TFDP2: variants seen among roughly 807,000 people sequenced by gnomAD.
TFDP2 encodes transcription factor Dp-2 (E2F dimerization partner 2).
Under a neutral mutation model 59.3 loss-of-function variants are expected in TFDP2, and 17 were observed. The observed-to-expected ratio is 0.29, with a 90% CI of 0.20 to 0.43. TFDP2 has a LOEUF of 0.43. Ranked by LOEUF, TFDP2 falls within the 20% of genes least tolerant of loss-of-function variation. The pLI, the probability that TFDP2 is intolerant of heterozygous loss-of-function variation, is 1.00. For missense variants in TFDP2, 391 were observed against 528.8 expected, an observed-to-expected ratio of 0.74 and a Z score of 2.56; for synonymous variants, 180 against 194.7, an observed-to-expected ratio of 0.92 and a Z score of 0.63.
At chr3:141,991,516 T>C (rs1342174081) in intron 6 of TFDP2, among the ~76,000 whole-genome samples, 1 of 152,184 alleles carries the variant, frequency 6.6e-6, no homozygotes, top group Admixed American at 6.5e-5. Flanking sequence ...CTCAGCACTT[T>C]GGGAGGCCAA....
intron 3 of TFDP2, among the ~76,000 whole-genome samples, chr3:142,039,617 T>C (rs1193791838): frequency 6.6e-6 from 1 of 152,160 alleles, no homozygotes; most frequent in Non-Finnish European, 1.5e-5. Flanking sequence ...GGTTTGCTAC[T>C]GCTCAGGAAA....
At chr3:142,110,152 G>A (rs994820726) in intron 1 of TFDP2, among the ~76,000 whole-genome samples, 4 of 152,070 alleles carry the variant, frequency 2.6e-5, no homozygotes, top group African/African-American at 9.7e-5. Context: ...CCAAAGTGCT[G>A]GGATTACAAG....
intron 3 of TFDP2, among the ~76,000 whole-genome samples, chr3:142,077,088 TGTCAACACTGGGCA>T (rs1223076522): frequency 6.6e-6 from 1 of 152,106 alleles, no homozygotes; most frequent in Non-Finnish European, 1.5e-5. Context: ...AACTCAGTGC[TGTCAACACTGGGCA>T]GAACTCAGCT....
intron 7 of TFDP2, among the ~76,000 whole-genome samples, chr3:141,975,532 A>G (rs1279395430): frequency 2.0e-5 from 3 of 151,868 alleles, no homozygotes; most frequent in Non-Finnish European, 4.4e-5. Flanking sequence ...ATCTCTACTA[A>G]AAAATACAAA....
chr3:142,031,735 T>G (rs547338177), intron 3 of TFDP2, among the ~76,000 whole-genome samples: 10 of 152,336 alleles, frequency 6.6e-5, no homozygotes, highest in African/African-American at 2.4e-4. Flanking sequence ...TTATTTGGAC[T>G]GGAGTTTGTG....
At chr3:142,098,183 TTTTTC>T in intron 2 of TFDP2, among the ~76,000 whole-genome samples, 1 of 152,000 alleles carries the variant, frequency 6.6e-6, no homozygotes, top group East Asian at 1.9e-4. Flanking sequence ...TCTAGGCTAT[TTTTTC>T]TTTTCTTTAT....
At chr3:142,123,249 C>T (rs983907152) in intron 1 of TFDP2, among the ~76,000 whole-genome samples, 2 of 152,218 alleles carry the variant, frequency 1.3e-5, no homozygotes, top group Non-Finnish European at 2.9e-5. Flanking sequence ...ATTCTCCTGC[C>T]TCAGCCTCCC....
rs1484923280 is a variant in TFDP2, at chr3:141,948,753, C to T, written c.*3760G>A. On this transcript the variant is annotated 3_prime_UTR_variant, in exon 13 of 13. Coordinates refer to ENST00000489671, the MANE Select transcript of TFDP2 (RefSeq NM_001178139.2). ...GTAGCCAAAAAGAGTTGTGGTTTAG[C>T]AAACAGTCAAGTTATAGATGTCTTG... The T allele has an allele frequency of 1.2e-4, 19 of 152,032 alleles. No individual in the cohort carries two copies. Among genetic ancestry groups the T allele is most frequent in the Admixed American group, 1.2e-3 (19 of 15,252 alleles). 9.4% of individuals were successfully genotyped at this position (152,032 alleles called of 1,614,324 possible). A position where few individuals can be genotyped will look rare whatever the true frequency, so the allele number is the denominator to read the frequency against.
intron 9 of TFDP2, among the ~76,000 whole-genome samples, chr3:141,965,968 C>T (rs1465678204): frequency 6.6e-6 from 1 of 151,726 alleles, no homozygotes; most frequent in Non-Finnish European, 1.5e-5. Context: ...GAATACACAT[C>T]TCAAGAGCTG....
rs1218286324 is a variant in TFDP2 at position 142,106,365 on chromosome 3, A to AT, written c.-92-4525dup. Reference sequence around the variant, plus strand: ...AGAGACTTTCTTCATTCAATTAAAAATTAAGTATGCTGTATTGGCTTTGAG... The same window carrying AT: ...AGAGACTTTCTTCATTCAATTAAAAATTTAAGTATGCTGTATTGGCTTTGAG... On this transcript the variant is annotated intron_variant, in intron 1 of 12. Coordinates refer to ENST00000489671, the MANE Select transcript of TFDP2 (RefSeq NM_001178139.2). Among the ~76,000 whole-genome samples, 4 of 152,388 alleles carry AT rather than the reference A, an allele frequency of 2.6e-5. No individual in the cohort carries two copies. The South Asian group carries it at 8.3e-4, about 32-fold the overall frequency.
chr3:142,107,854 TAAC>T (rs983905910), intron 1 of TFDP2, among the ~76,000 whole-genome samples: 3 of 152,154 alleles, frequency 2.0e-5, no homozygotes, highest in South Asian at 2.1e-4. Flanking sequence ...CAAGATATTA[TAAC>T]AAAATGATAT....
intron 4 of TFDP2, among the ~76,000 whole-genome samples, chr3:142,001,799 C>T (rs1052271033): frequency 1.3e-5 from 2 of 152,172 alleles, no homozygotes; most frequent in East Asian, 1.9e-4. Context: ...TCCTAAGTTC[C>T]TCCTTCCACA....
intron 9 of TFDP2, among the ~76,000 whole-genome samples, chr3:141,969,580 C>T (rs1390312677): frequency 6.6e-6 from 1 of 151,972 alleles, no homozygotes; most frequent in East Asian, 1.9e-4. Context: ...CCACTGCACT[C>T]CAGCCTGGCG....
intron 8 of TFDP2, among the ~76,000 whole-genome samples, chr3:141,970,672 T>G (rs911432942): frequency 6.6e-6 from 1 of 152,216 alleles, no homozygotes; most frequent in Non-Finnish European, 1.5e-5. Context: ...TTAATTACTT[T>G]GTTATATTAC....
intron 2 of TFDP2, among the ~76,000 whole-genome samples, chr3:142,096,540 T>C (rs1200994094): frequency 1.3e-5 from 2 of 152,344 alleles, no homozygotes; most frequent in East Asian, 3.9e-4. Context: ...GTATTGTCTG[T>C]ATTTAAGGTA....
At chr3:142,060,801 T>C (rs1247440232) in intron 3 of TFDP2, among the ~76,000 whole-genome samples, 10 of 152,178 alleles carry the variant, frequency 6.6e-5, no homozygotes, top group Non-Finnish European at 1.0e-4. Context: ...TTTAAAGCTC[T>C]AAAAGTAACA....
chr3:141,980,265 TA>T (rs1243855728), intron 6 of TFDP2, among the ~76,000 whole-genome samples: 1 of 151,140 alleles, frequency 6.6e-6, no homozygotes, highest in Non-Finnish European at 1.5e-5. Context: ...AATTAGAAAT[TA>T]AAAAACAAAC....
chr3:142,101,062 T>C (rs1397017678), intron 2 of TFDP2, among the ~76,000 whole-genome samples: 1 of 152,140 alleles, frequency 6.6e-6, no homozygotes, highest in African/African-American at 2.4e-5. Context: ...ACATATAACA[T>C]TGGAACAGTA....
intron 6 of TFDP2, among the ~76,000 whole-genome samples, chr3:141,979,381 C>T (rs1015882339): frequency 3.3e-5 from 5 of 152,088 alleles, no homozygotes; most frequent in Admixed American, 6.6e-5. Context: ...TACTTTAGAG[C>T]GTACTTCTTC....
Sources: gnomAD v4.1 joint callset for allele counts (sites outside exome capture counted in the v4.1 genomes callset) on GRCh38, gnomAD v4.1.1 for gene constraint, MANE v1.5 for transcripts, NCBI Gene and HGNC (gene_info 2026-07-23, HGNC 2026-07-21) for gene names.